Variants in ADGRL3 observed in about 807,000 individuals in gnomAD.
ADGRL3 encodes the protein calcium-independent alpha-latrotoxin receptor 3.
In ADGRL3, 62 loss-of-function variants were observed where a neutral mutation model predicts 153.5. The observed-to-expected ratio is 0.40, with a 90% CI of 0.33 to 0.50. The LOEUF (loss-of-function observed/expected upper bound fraction) is 0.50. Ranked by LOEUF, ADGRL3 falls within the 20% of genes least tolerant of loss-of-function variation. The pLI is 0.47. For missense variants in ADGRL3, 1,641 were observed against 1,859.4 expected, an observed-to-expected ratio of 0.88 and a Z score of 2.16; for synonymous variants, 710 against 672.5, an observed-to-expected ratio of 1.06 and a Z score of -0.86.
intron 19 of ADGRL3, among the ~76,000 whole-genome samples, chr4:61,995,580 A>G (rs1457672952): frequency 2.6e-5 from 4 of 152,200 alleles, no homozygotes; most frequent in Admixed American, 6.5e-5. Context: ...CTTTCTCATA[A>G]CTAGTCACTT....
At chr4:61,762,842 T>C (rs1358960570) in intron 8 of ADGRL3, among the ~76,000 whole-genome samples, 1 of 152,178 alleles carries the variant, frequency 6.6e-6, no homozygotes, top group Non-Finnish European at 1.5e-5. Context: ...TCATTATGCT[T>C]ATAATGTTGT....
intron 1 of ADGRL3, among the ~76,000 whole-genome samples, chr4:61,353,264 A>G (rs1027962133): frequency 5.3e-5 from 8 of 152,194 alleles, no homozygotes; most frequent in African/African-American, 1.7e-4. Flanking sequence ...TATATGCTAT[A>G]TATAGTTATA....
At chr4:61,424,344 C>T (rs1366087227) in intron 2 of ADGRL3, among the ~76,000 whole-genome samples, 1 of 152,134 alleles carries the variant, frequency 6.6e-6, no homozygotes, top group Non-Finnish European at 1.5e-5. Flanking sequence ...TCCTTACACT[C>T]CACCCCCTAG....
rs371145169 is a variant in ADGRL3 at position 61,831,310 on chromosome 4, C to T, written c.1480+17421C>T. The stretch of plus-strand genomic sequence containing the variant: ...AAACAAGGTGATAGAAAGTCATTAA[C>T]TTCTCTGCCAGGCCTATAGGCTTAA... On this transcript the variant is annotated intron_variant, in intron 9 of 26. Coordinates refer to ENST00000683033, the MANE Select transcript of ADGRL3 (RefSeq NM_001387552.1). Among the ~76,000 whole-genome samples the T allele has an allele frequency of 6.0e-5, 9 of 148,868 alleles. No homozygotes were observed. The East Asian group carries it at 8.1e-4, about 13-fold the overall frequency.
At chr4:61,654,439 A>G (rs899124565) in intron 5 of ADGRL3, among the ~76,000 whole-genome samples, 1 of 152,048 alleles carries the variant, frequency 6.6e-6, no homozygotes, top group Admixed American at 6.5e-5. Context: ...GAATATATAA[A>G]ATTGTTAATA....
intron 4 of ADGRL3, among the ~76,000 whole-genome samples, chr4:61,573,833 T>C (rs1022614959): frequency 2.0e-5 from 3 of 151,974 alleles, no homozygotes; most frequent in Non-Finnish European, 4.4e-5. Flanking sequence ...AGAGAAAGCA[T>C]AGTGACTGTG....
intron 8 of ADGRL3, among the ~76,000 whole-genome samples, chr4:61,744,636 A>G (rs1480143413): frequency 6.6e-6 from 1 of 152,238 alleles, no homozygotes; most frequent in Non-Finnish European, 1.5e-5. Flanking sequence ...AAACTCCAAC[A>G]GACCTGCAGC....
intron 1 of ADGRL3, among the ~76,000 whole-genome samples, chr4:61,271,161 G>A (rs17238904): frequency 0.015 from 2,347 of 151,872 alleles, 26 homozygotes; most frequent in South Asian, 0.023. Flanking sequence ...AGTGACTTCC[G>A]GGGCCAGGGA....
In ADGRL3 at chr4:61,882,334, G is replaced by A. The variant is rs116686178; in HGVS notation, c.1481-10322G>A. 7.8e-4 allele frequency among the ~76,000 whole-genome samples: 119 copies of A among 152,112 alleles called. No homozygotes were observed. In the Middle Eastern group the frequency reaches 0.01, roughly 13 times the overall value. ...ATGGTATCCATACTCAAAAGCCACC[G>A]CCACGTGTCTTACACCCCCATGCTG... is the stretch of plus-strand genomic sequence containing the variant. On this transcript the variant is annotated intron_variant, in intron 9 of 26. Coordinates refer to ENST00000683033, the MANE Select transcript of ADGRL3 (RefSeq NM_001387552.1).
In ADGRL3 at chr4:61,556,033, C is replaced by T. The variant is rs375431809; in HGVS notation, c.260-31194C>T. Among the ~76,000 whole-genome samples, 19 of 152,280 alleles carry T rather than the reference C, an allele frequency of 1.2e-4. No individual in the cohort carries two copies. The East Asian group carries it at 2.7e-3, about 22-fold the overall frequency. Reference sequence around the variant, plus strand: ...ATCCTGTGACTTAGAATGCCTTAGTCATCTGGGAATGCAGCCCAGTGGGTC... The same window carrying T: ...ATCCTGTGACTTAGAATGCCTTAGTTATCTGGGAATGCAGCCCAGTGGGTC... On this transcript the variant is annotated intron_variant, in intron 4 of 26. Coordinates refer to ENST00000683033, the MANE Select transcript of ADGRL3 (RefSeq NM_001387552.1).
chr4:61,652,990 T>C (rs2094314841), intron 5 of ADGRL3, among the ~76,000 whole-genome samples: 1 of 152,056 alleles, frequency 6.6e-6, no homozygotes, highest in Non-Finnish European at 1.5e-5. Flanking sequence ...TATTGATATG[T>C]TGAAACACTA....
chr4:61,305,186 T>A (rs906607591), intron 1 of ADGRL3, among the ~76,000 whole-genome samples: 1 of 150,610 alleles, frequency 6.6e-6, no homozygotes, highest in East Asian at 2.0e-4. Flanking sequence ...TTTTTTTTTT[T>A]AACTATTTTG....
intron 1 of ADGRL3, among the ~76,000 whole-genome samples, chr4:61,355,765 A>G (rs2096152957): frequency 6.6e-6 from 1 of 152,066 alleles, no homozygotes; most frequent in Admixed American, 6.6e-5. Flanking sequence ...TATGGGAGTT[A>G]TAGATCTAGC....
chr4:61,824,875 T>C (rs768287716), intron 9 of ADGRL3, among the ~76,000 whole-genome samples: 2 of 152,232 alleles, frequency 1.3e-5, no homozygotes, highest in Non-Finnish European at 1.5e-5. Context: ...TTAGAGTTAA[T>C]TGCCTGCATT....
intron 14 of ADGRL3, among the ~76,000 whole-genome samples, chr4:61,935,555 G>A (rs1045058656): frequency 2.6e-5 from 4 of 151,986 alleles, no homozygotes; most frequent in Admixed American, 1.3e-4. Context: ...AATTTACTGG[G>A]CTTAAAGATA....
chr4:61,879,552 G>C (rs1356572017), intron 9 of ADGRL3, among the ~76,000 whole-genome samples: 1 of 152,026 alleles, frequency 6.6e-6, no homozygotes, highest in Non-Finnish European at 1.5e-5. Flanking sequence ...TTGTTTTCAT[G>C]TTGGCACTTA....
chr4:61,766,034 G>A (rs2096974033), intron 8 of ADGRL3, among the ~76,000 whole-genome samples: 1 of 152,118 alleles, frequency 6.6e-6, no homozygotes, highest in Non-Finnish European at 1.5e-5. Flanking sequence ...AGGCCTGGTG[G>A]AACTGCCATC....
intron 1 of ADGRL3, among the ~76,000 whole-genome samples, chr4:61,350,767 C>A (rs1447368359): frequency 1.3e-5 from 2 of 152,102 alleles, no homozygotes; most frequent in Non-Finnish European, 2.9e-5. Flanking sequence ...CAGCAGTGAA[C>A]CTATTCGATA....
intron 6 of ADGRL3, among the ~76,000 whole-genome samples, chr4:61,725,852 T>G (rs1244290158): frequency 6.6e-6 from 1 of 152,178 alleles, no homozygotes; most frequent in Non-Finnish European, 1.5e-5. Context: ...ACGGCAGGAC[T>G]CTGCCACCTA....
Sources: allele counts gnomAD v4.1 joint callset (sites outside exome capture counted in the v4.1 genomes callset), GRCh38; gene constraint gnomAD v4.1.1; transcripts MANE v1.5; gene names NCBI Gene and HGNC (gene_info 2026-07-23, HGNC 2026-07-21).